The following ADAMTS1 variants were observed in gnomAD, a reference collection of about 807,000 sequenced individuals.
The protein encoded by ADAMTS1 is A disintegrin and metalloproteinase with thrombospondin motifs 1.
A neutral mutation model predicts 87.9 loss-of-function variants in ADAMTS1; 19 were observed. The ratio of observed to expected loss-of-function variants is 0.22; its 90% confidence interval spans 0.15 to 0.32. ADAMTS1 has a LOEUF of 0.32. Ranked by LOEUF, ADAMTS1 falls within the 10% of genes least tolerant of loss-of-function variation. The pLI is 1.00. For missense variants in ADAMTS1, 1,240 were observed against 1,259.1 expected, an observed-to-expected ratio of 0.98 and a Z score of 0.23; for synonymous variants, 542 against 501.8, an observed-to-expected ratio of 1.08 and a Z score of -1.07.
Position 26,840,086 on chromosome 21 carries a change from C to T in ADAMTS1, c.1666-25G>A, listed in dbSNP as rs761623847. On this transcript the variant is annotated intron_variant, in intron 5 of 8. Coordinates refer to ENST00000284984, the MANE Select transcript of ADAMTS1 (RefSeq NM_006988.5). ...TCTAAATGGAGACATAAATCATCAGCATTAGAATTATCTAAAGAGAACTTT... is the reference window on the plus strand; with the variant it reads ...TCTAAATGGAGACATAAATCATCAGTATTAGAATTATCTAAAGAGAACTTT... 4.4e-6 allele frequency: 7 copies of T among 1,601,824 alleles called. No individual in the cohort carries two copies. In the South Asian group the frequency reaches 7.9e-5, roughly 18 times the overall value.
Position 26,842,565 on chromosome 21 carries a change from G to T in ADAMTS1, c.851C>A (p.Thr284Lys), listed in dbSNP as rs752785022. The change falls in exon 2 of 9, where the codon ACG (threonine) becomes AAG (lysine). Residue 284 changes from threonine to lysine, a missense_variant. This residue lies in a region of ADAMTS1 where 521 missense variants were observed against 449.7 expected (regional missense o/e 1.16). Transcript: ENST00000284984. ...CAATCTGGCTGCCACCGAAAACAAC[G>T]TGAGAAGGTAATGCTTTAGACCACT... The part of the protein sequence containing the change: ...HGSGLKHYLL[T>K]LFSVAARLYK... 5.0e-6 allele frequency: 8 copies of T among 1,614,148 alleles called. No individual in the cohort carries two copies. In the Admixed American group the frequency reaches 1.0e-4, roughly 20 times the overall value.
rs115082014 is a variant in ADAMTS1 at position 26,838,666 on chromosome 21, C to T, written c.2029-52G>A. 1.3e-3 allele frequency: 2,007 copies of T among 1,555,580 alleles called. 25 individuals are homozygous for T. In the African/African-American group the frequency reaches 0.024, roughly 19 times the overall value. ...TACATACAAGCAAAGGAAGGAGATG[C>T]TGCAATGATAAGTGTAAACATTTTC... On this transcript the variant is annotated intron_variant, in intron 7 of 8. Coordinates refer to ENST00000284984, the MANE Select transcript of ADAMTS1 (RefSeq NM_006988.5).
Position 26,839,588 on chromosome 21 carries a change from T to C in ADAMTS1, c.2027A>G (p.Lys676Arg), listed in dbSNP as rs779578648. ...GIGYFFVLQP[K>R]VVDGTPCSPD... Reference sequence around the variant, plus strand: ...AAAAATAAGGTAAAAACGAACTACCTTGGGCTGCAAAACGAAGAAGTAGCC... The same window carrying C: ...AAAAATAAGGTAAAAACGAACTACCCTGGGCTGCAAAACGAAGAAGTAGCC... The change falls in exon 7 of 9, where the codon AAG (lysine) becomes AGG (arginine). Residue 676 changes from lysine (K) to arginine (R), a missense_variant and splice_region_variant. Around this residue, in one of 3 missense-constraint regions of ADAMTS1, gnomAD observed 402 missense variants for 399.1 expected, o/e 1.01. Coordinates refer to ENST00000284984, the MANE Select transcript of ADAMTS1 (RefSeq NM_006988.5). 5.0e-5 allele frequency: 80 copies of C among 1,595,386 alleles called. No individual in the cohort carries two copies. The highest frequency in any genetic ancestry group is 6.4e-5 in the Non-Finnish European group (75 of 1,166,504).
At chr21:26,841,427 C>T (rs754893502) in intron 3 of ADAMTS1, 17 of 343,772 alleles carry the variant, frequency 4.9e-5, no homozygotes, top group South Asian at 1.7e-4. Flanking sequence ...TGCAGTGAGC[C>T]GAGATTGTGC....
At chr21:26,843,264 T>C (rs937873526) in intron 1 of ADAMTS1, among the ~76,000 whole-genome samples, 11 of 152,194 alleles carry the variant, frequency 7.2e-5, no homozygotes, top group Admixed American at 1.3e-4. Flanking sequence ...CCACTCCCAC[T>C]GCCCCAGCGA....
chr21:26,837,575 C>T lies in ADAMTS1; in HGVS notation c.*4G>A, dbSNP rs573247582. Reference sequence around the variant, plus strand: ...GCCCTCAAAGCTAACACCACTTAAACCACTTAACTGCATTCTGCCATTGTG... The same window carrying T: ...GCCCTCAAAGCTAACACCACTTAAATCACTTAACTGCATTCTGCCATTGTG... On this transcript the variant is annotated 3_prime_UTR_variant, in exon 9 of 9. Transcript: ENST00000284984. 15 of 1,613,266 alleles carry T rather than the reference C, an allele frequency of 9.3e-6. No homozygotes were observed. The South Asian group carries it at 9.9e-5, about 11-fold the overall frequency.
At position 26,845,205 on chromosome 21, in the gene ADAMTS1, A is replaced by T. The variant is rs1173286106; in HGVS notation, c.-251T>A. On this transcript the variant is annotated 5_prime_UTR_variant, in exon 1 of 9. Coordinates refer to ENST00000284984, the MANE Select transcript of ADAMTS1 (RefSeq NM_006988.5). ...GTTGGAGACACTGAGAGGCAGGCGC[A>T]GGCAGAGTGGCTCTGCTGGGACAAG... 1 of 422,982 alleles carries T rather than the reference A, an allele frequency of 2.4e-6. No homozygotes were observed. The highest frequency in any genetic ancestry group is 4.0e-6 in the Non-Finnish European group (1 of 249,422). The allele number at this position is 422,982 out of a possible 1,614,324, so 26.2% of individuals were successfully genotyped here. A position where few individuals can be genotyped will look rare whatever the true frequency, so the allele number is the denominator to read the frequency against.
Position 26,845,130 on chromosome 21 carries a change from G to A in ADAMTS1, c.-176C>T, listed in dbSNP as rs1480512706. 2.4e-6 allele frequency: 2 copies of A among 838,128 alleles called. No homozygotes were observed. The highest frequency in any genetic ancestry group is 3.2e-6 in the Non-Finnish European group (2 of 621,146). The allele number at this position is 838,128 out of a possible 1,614,324, so 51.9% of individuals were successfully genotyped here. ...CCGAAGCTCCCGGAGTCACTAAAAGGAGGCGCTGCAGTTCTGCCGGCGCGC... is the reference window on the plus strand; with the variant it reads ...CCGAAGCTCCCGGAGTCACTAAAAGAAGGCGCTGCAGTTCTGCCGGCGCGC... On this transcript the variant is annotated 5_prime_UTR_variant, in exon 1 of 9. Transcript: ENST00000284984.
chr21:26,845,290 C>G lies in ADAMTS1; in HGVS notation c.-336G>C. 3.8e-6 allele frequency: 1 copy of G among 262,354 alleles called. No homozygotes were observed. The highest frequency in any genetic ancestry group is 7.2e-6 in the Non-Finnish European group (1 of 139,650). 16.3% of individuals were successfully genotyped at this position (262,354 alleles called of 1,614,324 possible). On this transcript the variant is annotated 5_prime_UTR_variant, in exon 1 of 9. Transcript: ENST00000284984. ...GCGGAGATTGGTGCCTGGCGCCCCT[C>G]TTCGGCCTCCGCCTTGGCTGCGATG...
intron 1 of ADAMTS1, among the ~76,000 whole-genome samples, chr21:26,843,210 T>A: frequency 6.6e-6 from 1 of 152,146 alleles, no homozygotes; most frequent in East Asian, 1.9e-4. Flanking sequence ...CTCTTGCCAA[T>A]TCCGGGCACA....
At position 26,839,332 on chromosome 21, in the gene ADAMTS1, AG is replaced by A. The variant is rs1568810092; in HGVS notation, c.2028+254del. On this transcript the variant is annotated intron_variant, in intron 7 of 8. Coordinates refer to ENST00000284984, the MANE Select transcript of ADAMTS1 (RefSeq NM_006988.5). ...CAGAGGAGCGCTTGACTGTCCAAAA[AG>A]CTTTTCTTTGCATATAAAAGAGTAA... 8 of 339,746 alleles carry A rather than the reference AG, an allele frequency of 2.4e-5. No homozygotes were observed. The East Asian group carries it at 4.0e-4, about 17-fold the overall frequency. 21.0% of individuals were successfully genotyped at this position (339,746 alleles called of 1,614,324 possible).
chr21:26,844,782 T>C lies in ADAMTS1; in HGVS notation c.173A>G (p.Glu58Gly). The C allele has an allele frequency of 6.5e-7, 1 of 1,546,518 alleles. No homozygotes were observed. The highest frequency in any genetic ancestry group is 1.2e-5 in the South Asian group (1 of 84,848). Reference sequence around the variant, plus strand: ...CTCCAGCTCCGGCACCACTAGCTCCTCGTCCTCCTCGGAGGGGCGCCCGAG... The same window carrying C: ...CTCCAGCTCCGGCACCACTAGCTCCCCGTCCTCCTCGGAGGGGCGCCCGAG... ...DALGRPSEED[E>G]ELVVPELERA... Residue 58 changes from glutamate to glycine, a missense_variant, in exon 1 of 9, where the codon GAG becomes GGG. By Grantham distance (98) the Glu-to-Gly change is moderately conservative. Transcript: ENST00000284984.
Position 26,844,472 on chromosome 21 carries a change from C to T in ADAMTS1, c.483G>A (p.Leu161=), listed in dbSNP as rs61753557. ...LLGEAYFIQP[L]PAASERLATA... ...TGGCGAGGCGCTCGCTGGCGGCGGG[C>T]AGCGGCTGGATGAAATACGCCTCCC... Residue 161 remains leucine, a synonymous_variant, in exon 1 of 9, where the codon CTG becomes CTA. Transcript: ENST00000284984. 3,192 of 1,586,210 alleles carry T rather than the reference C, an allele frequency of 2.0e-3. 11 individuals are homozygous for T. Among genetic ancestry groups the T allele is most frequent in the Middle Eastern group, 0.012 (69 of 5,946 alleles).
In ADAMTS1 at chr21:26,842,270, A is replaced by G. The variant is rs76033158; in HGVS notation, c.1077+69T>C. ...CAAAAACACTGGTGAAATGCCTTGT[A>G]TATATCTTTTTGGTACAACGTAGAC... On this transcript the variant is annotated intron_variant, in intron 2 of 8. Coordinates refer to ENST00000284984, the MANE Select transcript of ADAMTS1 (RefSeq NM_006988.5). The G allele has an allele frequency of 4.1e-4, 594 of 1,450,406 alleles. 3 individuals are homozygous for G. In the African/African-American group the frequency reaches 7.8e-3, roughly 19 times the overall value. 89.8% of individuals were successfully genotyped at this position (1,450,406 alleles called of 1,614,324 possible).
rs372677957 is a variant in ADAMTS1 at position 26,838,316 on chromosome 21, T to C, written c.2205-38A>G. Reference sequence around the variant, plus strand: ...AAAACAGGCATAAATCTCTGATTCATTGGCTAATTAGATTATTTAGCTTAA... The same window carrying C: ...AAAACAGGCATAAATCTCTGATTCACTGGCTAATTAGATTATTTAGCTTAA... On this transcript the variant is annotated intron_variant, in intron 8 of 8. Transcript: ENST00000284984. 21 of 1,576,194 alleles carry C rather than the reference T, an allele frequency of 1.3e-5. 1 individual carries two copies. The highest frequency in any genetic ancestry group is 1.1e-4 in the African/African-American group (8 of 73,672).
intron 2 of ADAMTS1, 28 bp from the exon 3 acceptor site, chr21:26,842,018 T>C (rs761628591): frequency 1.2e-6 from 2 of 1,608,568 alleles, no homozygotes; most frequent in Admixed American, 1.7e-5. Context: ...AAATACTTAT[T>C]AATAAGGGGA....
rs781174853 is a variant in ADAMTS1 at position 26,840,582 on chromosome 21, C to T, written c.1379-20G>A. Reference sequence around the variant, plus strand: ...ATTCCCCTGCAAAGGAAATGCCAACCAATATCAATACAGAGTTAGTGAGGG... The same window carrying T: ...ATTCCCCTGCAAAGGAAATGCCAACTAATATCAATACAGAGTTAGTGAGGG... On this transcript the variant is annotated intron_variant, in intron 4 of 8. Coordinates refer to ENST00000284984, the MANE Select transcript of ADAMTS1 (RefSeq NM_006988.5). 4 of 1,610,202 alleles carry T rather than the reference C, an allele frequency of 2.5e-6. No homozygotes were observed. The highest frequency in any genetic ancestry group is 3.4e-6 in the Non-Finnish European group (4 of 1,177,540).
chr21:26,837,695 T>C lies in ADAMTS1; in HGVS notation c.2788A>G (p.Lys930Glu), dbSNP rs1020452633. The change falls in exon 9 of 9, where the codon AAA becomes GAA. Residue 930 changes from lysine (K) to glutamate (E), a missense_variant. By Grantham distance (56) the Lys-to-Glu change is moderately conservative. Transcript: ENST00000284984. ...TGGGACAGACACTTCAAGCTTCTTT[T>C]TTTGTAACCCTTCCCACAGGTCTTA... ...CSKTCGKGYK[K>E]RSLKCLSHDG... 9 of 1,614,096 alleles carry C rather than the reference T, an allele frequency of 5.6e-6. No individual in the cohort carries two copies. The African/African-American group carries it at 1.1e-4, about 19-fold the overall frequency.
rs778390749 is a variant in ADAMTS1, at chr21:26,844,364, C to A, written c.591G>T (p.Thr197=). The A allele has an allele frequency of 2.5e-5, 40 of 1,596,690 alleles. No homozygotes were observed. Among genetic ancestry groups the A allele is most frequent in the Non-Finnish European group, 3.2e-5 (38 of 1,174,502 alleles). ...RRNRQGDVGG[T]CGVVDDEPRP... is the part of the protein sequence containing the mutation. ...GGGGCTCGTCGTCCACGACCCCGCA[C>A]GTGCCGCCGACGTCGCCCTGCCGAT... Residue 197 remains threonine, a synonymous_variant, in exon 1 of 9, where the codon ACG becomes ACT. Coordinates refer to ENST00000284984, the MANE Select transcript of ADAMTS1 (RefSeq NM_006988.5).
Sources: allele counts gnomAD v4.1 joint callset (sites outside exome capture counted in the v4.1 genomes callset), GRCh38; gene constraint gnomAD v4.1.1; regional missense constraint gnomAD v4.1.1; transcripts MANE v1.5; gene names NCBI Gene and HGNC (gene_info 2026-07-23, HGNC 2026-07-21).